The following TCTN3 variants were observed in gnomAD, a reference collection of about 807,000 sequenced individuals.
TCTN3 encodes tectonic family member 3, also known as tectonic-3.
Under a neutral mutation model 71.3 loss-of-function variants are expected in TCTN3, and 57 were observed. The observed-to-expected ratio is 0.80, with a 90% CI of 0.65 to 1.00. The LOEUF is 1.00. Ranked by LOEUF, TCTN3 falls within the 50% of genes least tolerant of loss-of-function variation. The pLI is 0.00. For synonymous variants in TCTN3, 258 were observed against 267.8 expected (o/e 0.96, Z 0.36); for missense variants, 696 against 719.9 (o/e 0.97, Z 0.38).
intron 3 of TCTN3, 143 bp downstream of exon 3, chr10:95,692,777 T>G: frequency 3.2e-6 from 2 of 626,568 alleles, no homozygotes; most frequent in Non-Finnish European, 5.5e-6. Context: ...GCTTTTTTTT[T>G]GTTGTTGTTT....
chr10:95,672,385 G>A, intron 13 of TCTN3, among the ~76,000 whole-genome samples: 1 of 151,976 alleles, frequency 6.6e-6, no homozygotes, highest in Non-Finnish European at 1.5e-5. Context: ...AGCCTTTTTT[G>A]GGGCATATGT....
At position 95,693,631 on chromosome 10, in the gene TCTN3, CG is replaced by C; in HGVS notation, c.256+12del. On this transcript the variant is annotated intron_variant, in intron 1 of 13. Coordinates refer to ENST00000371217, the MANE Select transcript of TCTN3 (RefSeq NM_015631.6). ...CAGAAGTAAGTTTCCACCCCCACAA[CG>C]TTTTCCCTCACCTGGGAAGAGGTCC... The C allele has an allele frequency of 6.5e-7, 1 of 1,548,852 alleles. No homozygotes were observed. Among genetic ancestry groups the C allele is most frequent in the Non-Finnish European group, 8.7e-7 (1 of 1,146,250 alleles).
intron 12 of TCTN3, among the ~76,000 whole-genome samples, chr10:95,681,568 C>T (rs548081444): frequency 1.4e-4 from 21 of 152,202 alleles, no homozygotes; most frequent in African/African-American, 4.6e-4. Context: ...CAGAGAGCCT[C>T]GAAAGTTTCC....
In TCTN3 at chr10:95,680,341, CACT is replaced by C. The variant is rs778806524; in HGVS notation, c.1590+128_1590+130del. 414,720 of 1,196,258 alleles carry C rather than the reference CACT, an allele frequency of 0.35. 73,335 individuals carry two copies. Among genetic ancestry groups the C allele is most frequent in the East Asian group, 0.65 (26,006 of 39,706 alleles). 74.1% of individuals were successfully genotyped at this position (1,196,258 alleles called of 1,614,324 possible). On this transcript the variant is annotated intron_variant, in intron 13 of 13. Coordinates refer to ENST00000371217, the MANE Select transcript of TCTN3 (RefSeq NM_015631.6). Reference sequence around the variant, plus strand: ...ATAGACTTGACAAATTATGTCAGCTCACTTTAAACAAACATTGGTTGCTAACAT... The same window carrying C: ...ATAGACTTGACAAATTATGTCAGCTCTTAAACAAACATTGGTTGCTAACAT...
At chr10:95,683,804 T>C (rs1269871490) in intron 9 of TCTN3, among the ~76,000 whole-genome samples, 175 bp from the exon 10 acceptor site, 2 of 152,174 alleles carry the variant, frequency 1.3e-5, no homozygotes, top group Admixed American at 6.6e-5. Context: ...TTTTTAAATT[T>C]ACTAAAATAA....
chr10:95,686,395 T>C, intron 7 of TCTN3, 100 bp downstream of exon 7: 1 of 1,275,112 alleles, frequency 7.8e-7, no homozygotes, highest in South Asian at 1.2e-5. Flanking sequence ...TACATCACGC[T>C]TACATTTATC....
At chr10:95,672,526 G>C (rs1286600851) in intron 13 of TCTN3, among the ~76,000 whole-genome samples, 1 of 151,952 alleles carries the variant, frequency 6.6e-6, no homozygotes, top group South Asian at 2.1e-4. Flanking sequence ...TACATTCTTG[G>C]AACATGATTG....
Position 95,686,507 on chromosome 10 carries a change from TG to T in TCTN3, c.875del (p.Pro292HisfsTer10). On this transcript the variant is annotated frameshift_variant, in exon 7 of 14. Transcript: ENST00000371217. LOFTEE classifies it high-confidence loss of function. ...AACAGCATCATACCTCCATATTCTGTGGATCAGTCATGCTTCTTGGAACCTA... is the reference window on the plus strand; with the variant it reads ...AACAGCATCATACCTCCATATTCTGTGATCAGTCATGCTTCTTGGAACCTA... ...VLKVPRSMTDPQNMEFQVPVI... is the reference protein window; with the variant it reads ...VLKVPRSMTDXQNMEFQVPVI... The T allele has an allele frequency of 3.1e-6, 5 of 1,614,156 alleles. No homozygotes were observed. The highest frequency in any genetic ancestry group is 4.2e-6 in the Non-Finnish European group (5 of 1,180,006).
rs150191656 is a variant in TCTN3, at chr10:95,668,708, G to A, written c.1591-4408C>T. Reference sequence around the variant, plus strand: ...AAGAGAATAAACCAAGAAAAAGGACGAAGTAGTGTCCAGTAAACAGTGAAT... The same window carrying A: ...AAGAGAATAAACCAAGAAAAAGGACAAAGTAGTGTCCAGTAAACAGTGAAT... On this transcript the variant is annotated intron_variant, in intron 13 of 13. Transcript: ENST00000371217. Among the ~76,000 whole-genome samples the A allele has an allele frequency of 2.6e-4, 40 of 152,214 alleles. No individual in the cohort carries two copies. The East Asian group carries it at 7.5e-3, about 29-fold the overall frequency.
chr10:95,675,870 G>T (rs2097936538), intron 13 of TCTN3, among the ~76,000 whole-genome samples: 1 of 152,076 alleles, frequency 6.6e-6, no homozygotes, highest in South Asian at 2.1e-4. Context: ...TTACAAGATT[G>T]TGGCAGAGGT....
chr10:95,682,758 T>C lies in TCTN3; in HGVS notation c.1345A>G (p.Thr449Ala), dbSNP rs2097944319. The change falls in exon 12 of 14, where the codon ACT becomes GCT. Residue 449 changes from threonine (T) to alanine (A), a missense_variant. By Grantham distance (58) the Thr-to-Ala change is moderately conservative (BLOSUM62 0). Coordinates refer to ENST00000371217, the MANE Select transcript of TCTN3 (RefSeq NM_015631.6). The stretch of plus-strand genomic sequence containing the variant: ...TCTGGTCTGGGCCTTCCATGAAGAG[T>C]CTGATAAATCTCCTGCTGCAAGTGG... ...CSHLQQEIYQ[T>A]LHGRPRPEYV... 1 of 1,613,790 alleles carries C rather than the reference T, an allele frequency of 6.2e-7. No homozygotes were observed. Among genetic ancestry groups the C allele is most frequent in the African/African-American group, 1.3e-5 (1 of 74,842 alleles).
chr10:95,691,055 G>A (rs952509079), intron 3 of TCTN3, among the ~76,000 whole-genome samples: 8 of 152,188 alleles, frequency 5.3e-5, no homozygotes, highest in Non-Finnish European at 7.3e-5. Context: ...GGATGGTGTC[G>A]GGGGCAGGAG....
At chr10:95,686,924 T>C in intron 6 of TCTN3, 120 bp downstream of exon 6, 1 of 815,586 alleles carries the variant, frequency 1.2e-6, no homozygotes, top group South Asian at 1.8e-5. Flanking sequence ...CTCTGTCTTT[T>C]ACGTGGCTCC....
intron 10 of TCTN3, 51 bp from the exon 11 acceptor site, chr10:95,683,246 G>A (rs1278402273): frequency 2.6e-6 from 4 of 1,562,542 alleles, no homozygotes; most frequent in Middle Eastern, 1.7e-4. Flanking sequence ...AAAAAAAGGA[G>A]GCAGCATTGC....
intron 13 of TCTN3, among the ~76,000 whole-genome samples, chr10:95,664,901 C>T (rs907456823): frequency 6.6e-6 from 1 of 152,168 alleles, no homozygotes; most frequent in Non-Finnish European, 1.5e-5. Flanking sequence ...AAAATGAATT[C>T]CCTTTGTTTT....
At position 95,676,204 on chromosome 10, in the gene TCTN3, T is replaced by A. The variant is rs1042916675; in HGVS notation, c.1590+4268A>T. The stretch of plus-strand genomic sequence containing the variant: ...TTGTGACCCACTAGTGGGTTTTGTC[T>A]AGCATTTAAAATACAAAAACAAACC... On this transcript the variant is annotated intron_variant, in intron 13 of 13. Transcript: ENST00000371217. Among the ~76,000 whole-genome samples the A allele has an allele frequency of 2.6e-5, 4 of 151,988 alleles. No homozygotes were observed. In the East Asian group the frequency reaches 7.7e-4, roughly 29 times the overall value.
At position 95,683,539 on chromosome 10, in the gene TCTN3, C is replaced by T. The variant is rs1471813766; in HGVS notation, c.1186G>A (p.Asp396Asn). The T allele has an allele frequency of 1.9e-6, 3 of 1,614,174 alleles. No individual in the cohort carries two copies. The highest frequency in any genetic ancestry group is 2.5e-6 in the Non-Finnish European group (3 of 1,180,036). Residue 396 changes from aspartate to asparagine, a missense_variant, in exon 10 of 14, where the codon GAT becomes AAT. Coordinates refer to ENST00000371217, the MANE Select transcript of TCTN3 (RefSeq NM_015631.6). ...AAGGATACTGAGTAACTTATATCATCAGTCAGAGCCAAGAGTGGCTTCCCA... is the reference window on the plus strand; with the variant it reads ...AAGGATACTGAGTAACTTATATCATTAGTCAGAGCCAAGAGTGGCTTCCCA... ...IVGKPLLALTDDISYSMTLLQ... is the reference protein window; with the variant it reads ...IVGKPLLALTNDISYSMTLLQ...
chr10:95,683,261 T>C, intron 10 of TCTN3, 66 bp from the exon 11 acceptor site: 2 of 1,553,916 alleles, frequency 1.3e-6, no homozygotes, highest in South Asian at 1.2e-5. Flanking sequence ...CATTGCAAAA[T>C]TTATGTTCTC....
At position 95,692,514 on chromosome 10, in the gene TCTN3, A is replaced by C. The variant is rs568885240; in HGVS notation, c.499+406T>G. Among the ~76,000 whole-genome samples, 12 of 152,252 alleles carry C rather than the reference A, an allele frequency of 7.9e-5. No homozygotes were observed. The East Asian group carries it at 2.3e-3, about 29-fold the overall frequency. On this transcript the variant is annotated intron_variant, in intron 3 of 13. Transcript: ENST00000371217. ...GGTGGAGGCTCCGTCTCAAAAAAAA[A>C]CAAAAATGCAAATGTATTCCGTAAT...
Sources: gnomAD v4.1 joint callset for allele counts (sites outside exome capture counted in the v4.1 genomes callset) on GRCh38, gnomAD v4.1.1 for gene constraint, MANE v1.5 for transcripts, NCBI Gene and HGNC (gene_info 2026-07-23, HGNC 2026-07-21) for gene names.